The following MOSMO variants were observed in gnomAD, a reference collection of about 807,000 sequenced individuals.
MOSMO encodes the protein modulator of smoothened protein.
In MOSMO, 5 loss-of-function variants were observed where a neutral mutation model predicts 18.4. That is an observed-to-expected ratio of 0.27 (90% CI 0.14 to 0.57). MOSMO has a LOEUF of 0.57. Among genes scored for constraint, MOSMO ranks in the 20% least tolerant of loss-of-function variants. The probability of loss-of-function intolerance (pLI) is 0.92; values close to 1 mark genes in which losing one functional copy is unlikely to be tolerated. For synonymous variants in MOSMO, 82 were observed against 82.3 expected (o/e 1.00, Z 0.02); for missense variants, 138 against 211.8 (o/e 0.65, Z 2.16).
chr16:22,068,807 A>G (rs1900794735), intron 1 of MOSMO, among the ~76,000 whole-genome samples: 1 of 152,182 alleles, frequency 6.6e-6, no homozygotes, highest in South Asian at 2.1e-4. Flanking sequence ...GCTATTATGA[A>G]TAATACTGCT....
At chr16:22,087,532 T>C (rs1901208357), downstream of MOSMO, 1 of 152,210 alleles carries the variant, frequency 6.6e-6, no homozygotes, top group South Asian at 2.1e-4. Context: ...ATATGAAAAC[T>C]CACTCTTTTC....
chr16:22,078,045 A>C (rs1567515869), intron 2 of MOSMO, among the ~76,000 whole-genome samples: 1 of 152,066 alleles, frequency 6.6e-6, no homozygotes, highest in Non-Finnish European at 1.5e-5. Context: ...TGTCTCAGAG[A>C]AGAGCCCCCA....
chr16:22,028,420 A>G (rs192068226), intron 1 of MOSMO, among the ~76,000 whole-genome samples: 1 of 151,720 alleles, frequency 6.6e-6, no homozygotes, highest in Admixed American at 6.5e-5. Context: ...TACCATCTTA[A>G]CCATTTTTAA....
chr16:22,072,425 T>G (rs1900872580), intron 1 of MOSMO, among the ~76,000 whole-genome samples: 1 of 152,168 alleles, frequency 6.6e-6, no homozygotes, highest in Admixed American at 6.5e-5. Flanking sequence ...CCTTGCATAT[T>G]TAAGGAAAGT....
intron 1 of MOSMO, among the ~76,000 whole-genome samples, chr16:22,011,835 C>T (rs563214973): frequency 5.2e-4 from 77 of 148,798 alleles, no homozygotes; most frequent in African/African-American, 1.9e-3. Flanking sequence ...CCCCCCAAAA[C>T]ATAAAACGAA....
chr16:22,086,946 G>A (rs1003871312), downstream of MOSMO: 1 of 152,200 alleles, frequency 6.6e-6, no homozygotes, highest in Non-Finnish European at 1.5e-5. Flanking sequence ...GTTTGTTTCA[G>A]TGAACTTCCT....
chr16:22,026,860 G>T (rs1189034964), intron 1 of MOSMO, among the ~76,000 whole-genome samples: 1 of 152,154 alleles, frequency 6.6e-6, no homozygotes, highest in Non-Finnish European at 1.5e-5. Context: ...AATGATAGGA[G>T]GAGTTAAACT....
intron 1 of MOSMO, among the ~76,000 whole-genome samples, chr16:22,036,203 C>T (rs1284896603): frequency 5.9e-5 from 9 of 151,938 alleles, no homozygotes; most frequent in Non-Finnish European, 1.0e-4. Context: ...CATGGCTCAC[C>T]GCAGCCTTGA....
At chr16:22,021,209 G>A (rs1023576148) in intron 1 of MOSMO, among the ~76,000 whole-genome samples, 2 of 152,206 alleles carry the variant, frequency 1.3e-5, no homozygotes, top group Non-Finnish European at 1.5e-5. Flanking sequence ...GTTACTGCTC[G>A]TTGAGGGGAC....
intron 1 of MOSMO, among the ~76,000 whole-genome samples, chr16:22,020,661 G>A (rs1426163439): frequency 6.6e-6 from 1 of 152,124 alleles, no homozygotes. Context: ...GGGTCAATAC[G>A]GAAGTTAGAT....
intron 1 of MOSMO, among the ~76,000 whole-genome samples, chr16:22,071,782 T>C (rs977207817): frequency 1.8e-4 from 28 of 152,150 alleles, no homozygotes; most frequent in African/African-American, 6.5e-4. Context: ...ATTGGCTGTT[T>C]GGGGAATGGA....
At chr16:22,087,178 C>T (rs1361147511), downstream of MOSMO, 1 of 152,182 alleles carries the variant, frequency 6.6e-6, no homozygotes, top group Non-Finnish European at 1.5e-5. Context: ...TCTCCGGAGG[C>T]CTCTTCAAGC....
chr16:22,063,697 G>A (rs1477649463), intron 1 of MOSMO, among the ~76,000 whole-genome samples: 1 of 152,114 alleles, frequency 6.6e-6, no homozygotes, highest in Non-Finnish European at 1.5e-5. Flanking sequence ...CATTTTATAA[G>A]GAACAAAACC....
chr16:22,092,510 A>T, downstream of MOSMO: 2 of 1,237,772 alleles, frequency 1.6e-6, no homozygotes, highest in South Asian at 1.5e-5. Flanking sequence ...GAGACCAGCT[A>T]ACACATTCCC....
At chr16:22,030,318 C>T (rs891884595) in intron 1 of MOSMO, among the ~76,000 whole-genome samples, 2 of 152,128 alleles carry the variant, frequency 1.3e-5, no homozygotes, top group East Asian at 1.9e-4. Flanking sequence ...ATACAGTCAA[C>T]GTATTTGAAA....
chr16:22,092,040 CCA>C (rs1418169330), downstream of MOSMO, among the ~76,000 whole-genome samples: 13 of 152,208 alleles, frequency 8.5e-5, no homozygotes, highest in African/African-American at 2.9e-4. Flanking sequence ...GGCTTAGGAA[CCA>C]CTGTGGCAGA....
intron 1 of MOSMO, among the ~76,000 whole-genome samples, chr16:22,020,368 C>T (rs1218733640): frequency 7.5e-6 from 1 of 132,960 alleles, no homozygotes; most frequent in African/African-American, 2.8e-5. Flanking sequence ...GATCTCGGAT[C>T]ACTGCAACCT....
intron 1 of MOSMO, among the ~76,000 whole-genome samples, chr16:22,044,233 T>C (rs906312603): frequency 3.3e-5 from 5 of 152,120 alleles, no homozygotes; most frequent in African/African-American, 1.2e-4. Flanking sequence ...ATAATAGTTA[T>C]ATGGAGTACT....
chr16:22,080,650 A>G, intron 2 of MOSMO, 46 bp from the exon 3 acceptor site: 1 of 1,259,712 alleles, frequency 7.9e-7, no homozygotes, highest in East Asian at 4.1e-5. Flanking sequence ...GTTTTTTGAA[A>G]TCACCAAACC....
Sources: gnomAD v4.1 joint callset for allele counts (sites outside exome capture counted in the v4.1 genomes callset) on GRCh38, gnomAD v4.1.1 for gene constraint, MANE v1.5 for transcripts, NCBI Gene and HGNC (gene_info 2026-07-23, HGNC 2026-07-21) for gene names.